CELF2: variants seen among roughly 807,000 people sequenced by gnomAD.
The protein encoded by CELF2 is CUG triplet repeat RNA-binding protein 2.
CELF2 carries 8 observed loss-of-function variants against 62.6 expected under a neutral mutation model. The ratio of observed to expected loss-of-function variants is 0.13; its 90% confidence interval spans 0.07 to 0.23. The LOEUF (loss-of-function observed/expected upper bound fraction) is 0.23, where lower values mean the gene tolerates loss of function less well. Among genes scored for constraint, CELF2 ranks in the 10% least tolerant of loss-of-function variants. The pLI is 1.00. For synonymous variants in CELF2, 258 were observed against 250.0 expected, an observed-to-expected ratio of 1.03 and a Z score of -0.30; for missense variants, 333 against 671.0, an observed-to-expected ratio of 0.50 and a Z score of 5.56.
intron 1 of CELF2, among the ~76,000 whole-genome samples, chr10:10,906,013 G>A (rs184442756): frequency 3.3e-5 from 5 of 152,310 alleles, no homozygotes; most frequent in African/African-American, 9.6e-5. Context: ...AAAAGTTGCA[G>A]TGAGCTCAGA....
At chr10:10,715,188 G>A in the CELF2 span, among the ~76,000 whole-genome samples, 5 of 152,172 alleles carry the variant, frequency 3.3e-5, no homozygotes, top group East Asian at 1.9e-4. Flanking sequence ...GCACAAAACC[G>A]TGATATAAAA....
chr10:10,853,792 G>A (rs560094748), intron 1 of CELF2, among the ~76,000 whole-genome samples: 3 of 152,028 alleles, frequency 2.0e-5, no homozygotes, highest in South Asian at 2.1e-4. Context: ...CACAGTGTAG[G>A]AGGGGTGGGA....
intron 2 of CELF2, among the ~76,000 whole-genome samples, chr10:11,172,438 A>G (rs925371157): frequency 1.2e-4 from 18 of 152,220 alleles, no homozygotes; most frequent in Admixed American, 5.9e-4. Flanking sequence ...ATTTTAAAAT[A>G]TTTTTACTGA....
chr10:11,284,735 G>A (rs914263202), intron 8 of CELF2, among the ~76,000 whole-genome samples: 14 of 149,490 alleles, frequency 9.4e-5, no homozygotes, highest in African/African-American at 3.0e-4. Context: ...ATGGATGGAT[G>A]GGTGGGTGGA....
At chr10:10,697,636 G>A in the CELF2 span, among the ~76,000 whole-genome samples, 47 of 152,218 alleles carry the variant, frequency 3.1e-4, no homozygotes, top group East Asian at 6.9e-3. Context: ...ACTGCCAATC[G>A]GTAGCTGCAT....
intron 1 of CELF2, among the ~76,000 whole-genome samples, chr10:10,876,134 A>G (rs146364354): frequency 1.3e-5 from 2 of 152,272 alleles, no homozygotes; most frequent in East Asian, 3.9e-4. Context: ...ATCATTTTTT[A>G]TGAGGCTTAT....
At chr10:10,823,476 C>G (rs725024) in intron 1 of CELF2, among the ~76,000 whole-genome samples, 72,262 of 151,866 alleles carry the variant, frequency 0.48, 17,708 homozygotes, top group African/African-American at 0.6. Flanking sequence ...TTCCCTCAAA[C>G]TGGCATACAA....
At chr10:10,621,444 C>T in the CELF2 span, among the ~76,000 whole-genome samples, 1,095 of 152,174 alleles carry the variant, frequency 7.2e-3, 21 homozygotes, top group African/African-American at 0.025. Context: ...AACAAAGAAG[C>T]GTAGCATAGG....
In CELF2 at chr10:11,139,075, A is replaced by C. The variant is rs77545085; in HGVS notation, c.75-26411A>C. ...AAAGATAGGCTCAATTACTTAAGTC[A>C]TGAAAGTGAATTACCTTAATCATAC... On this transcript the variant is annotated intron_variant, in intron 1 of 12. Coordinates refer to ENST00000633077, the MANE Select transcript of CELF2 (RefSeq NM_001326342.2). 7.3e-3 allele frequency among the ~76,000 whole-genome samples: 1,115 copies of C among 152,370 alleles called. 12 individuals are homozygous for C. Among genetic ancestry groups the C allele is most frequent in the African/African-American group, 0.026 (1,072 of 41,572 alleles).
At chr10:11,009,819 A>C (rs1400113064) in intron 1 of CELF2, among the ~76,000 whole-genome samples, 1 of 152,220 alleles carries the variant, frequency 6.6e-6, no homozygotes, top group Non-Finnish European at 1.5e-5. Flanking sequence ...TTGTCATGGA[A>C]AGGAAGAGCT....
chr10:11,189,759 T>C (rs1005960724), intron 2 of CELF2, among the ~76,000 whole-genome samples: 19 of 152,222 alleles, frequency 1.2e-4, no homozygotes, highest in Admixed American at 3.9e-4. Context: ...TGTCCCTGGT[T>C]CTTTTCTCAC....
At position 11,279,387 on chromosome 10, in the gene CELF2, C is replaced by T. The variant is rs376644499; in HGVS notation, c.841+4267C>T. Among the ~76,000 whole-genome samples the T allele has an allele frequency of 5.3e-5, 8 of 152,182 alleles. No homozygotes were observed. The East Asian group carries it at 5.8e-4, about 11-fold the overall frequency. On this transcript the variant is annotated intron_variant, in intron 8 of 12. Transcript: ENST00000633077. ...TAGAAGACTGTCTTGGTGTCTAGCACGAGTGGAGAGGAGGGAGACATTTGC... is the reference window on the plus strand; with the variant it reads ...TAGAAGACTGTCTTGGTGTCTAGCATGAGTGGAGAGGAGGGAGACATTTGC...
At chr10:10,502,683 T>C in the CELF2 span, among the ~76,000 whole-genome samples, 1 of 152,014 alleles carries the variant, frequency 6.6e-6, no homozygotes, top group Non-Finnish European at 1.5e-5. Context: ...TCTTGCTAGA[T>C]GCTTGTCAGT....
chr10:10,638,986 A>G, the CELF2 span, among the ~76,000 whole-genome samples: 1 of 152,274 alleles, frequency 6.6e-6, no homozygotes, highest in East Asian at 1.9e-4. Context: ...CTGTTCAATC[A>G]CTATCCAGTT....
chr10:11,160,487 C>T (rs917011430), intron 1 of CELF2, among the ~76,000 whole-genome samples: 1 of 151,908 alleles, frequency 6.6e-6, no homozygotes, highest in African/African-American at 2.4e-5. Context: ...ATATTTGCAT[C>T]TATAGCTATT....
the CELF2 span, among the ~76,000 whole-genome samples, chr10:10,713,438 A>G: frequency 2.0e-5 from 3 of 152,306 alleles, no homozygotes; most frequent in East Asian, 1.9e-4. Flanking sequence ...CATCTAAACA[A>G]TGGAAGAACC....
chr10:10,700,938 C>T, the CELF2 span, among the ~76,000 whole-genome samples: 1 of 152,208 alleles, frequency 6.6e-6, no homozygotes, highest in African/African-American at 2.4e-5. Flanking sequence ...CTCTGACTCT[C>T]CTACGCCTCC....
At chr10:10,470,038 T>A in the CELF2 span, among the ~76,000 whole-genome samples, 27 of 151,860 alleles carry the variant, frequency 1.8e-4, no homozygotes, top group Non-Finnish European at 3.8e-4. Flanking sequence ...AATTTTGGAT[T>A]TCAGATTTTA....
At chr10:10,489,071 T>C in the CELF2 span, among the ~76,000 whole-genome samples, 1 of 152,028 alleles carries the variant, frequency 6.6e-6, no homozygotes, top group African/African-American at 2.4e-5. Context: ...CTGATACACA[T>C]CTCAAACACC....
Sources: allele counts gnomAD v4.1 joint callset (sites outside exome capture counted in the v4.1 genomes callset), GRCh38; gene constraint gnomAD v4.1.1; transcripts MANE v1.5; gene names NCBI Gene and HGNC (gene_info 2026-07-23, HGNC 2026-07-21).